MCPH1: variants seen among roughly 807,000 people sequenced by gnomAD.
MCPH1 encodes the protein microcephalin.
Under a neutral mutation model 84.5 loss-of-function variants are expected in MCPH1, and 104 were observed. The ratio of observed to expected loss-of-function variants is 1.23; its 90% CI spans 1.05 to 1.45. MCPH1 has a LOEUF of 1.45. Among genes scored for constraint, MCPH1 ranks in the 40% most tolerant of loss-of-function variants. The pLI, the probability that MCPH1 is intolerant of heterozygous loss-of-function variation, is 0.00. For missense variants in MCPH1, 1,498 were observed against 1,005.7 expected (o/e 1.49, Z -6.62); for synonymous variants, 514 against 366.8 (o/e 1.40, Z -4.58).
At chr8:6,570,800 G>GT (rs1463366406) in intron 12 of MCPH1, among the ~76,000 whole-genome samples, 5 of 96,384 alleles carry the variant, frequency 5.2e-5, no homozygotes, top group Admixed American at 1.3e-4. Flanking sequence ...CAGATGGATT[G>GT]TTGTTTTTTT....
intron 12 of MCPH1, among the ~76,000 whole-genome samples, chr8:6,588,340 AC>A (rs1258280453): frequency 3.5e-5 from 4 of 115,212 alleles, no homozygotes; most frequent in Admixed American, 1.0e-4. Context: ...TTCACTTAAA[AC>A]TTTTTTTTTT....
intron 8 of MCPH1, among the ~76,000 whole-genome samples, chr8:6,447,883 AATTT>A (rs1466009454): frequency 3.9e-5 from 6 of 152,248 alleles, no homozygotes; most frequent in African/African-American, 1.4e-4. Context: ...TAAAATCATT[AATTT>A]TTTTCTTTTT....
In MCPH1 at chr8:6,455,219, T is replaced by A; in HGVS notation, c.1902T>A (p.His634Gln). The A allele has an allele frequency of 5.6e-6, 9 of 1,613,992 alleles. No individual in the cohort carries two copies. The highest frequency in any genetic ancestry group is 7.6e-6 in the Non-Finnish European group (9 of 1,179,914). Residue 634 changes from histidine (H) to glutamine (Q), a missense_variant, in exon 9 of 14, where the codon CAT becomes CAA. Coordinates refer to ENST00000344683, the MANE Select transcript of MCPH1 (RefSeq NM_024596.5). ...GCTTTAAGGACCTCATCAAACCTCATGAGGAATTGAAGAAAAGTGGGAGAG... is the reference window on the plus strand; with the variant it reads ...GCTTTAAGGACCTCATCAAACCTCAAGAGGAATTGAAGAAAAGTGGGAGAG... Reference protein sequence around the residue: ...CDGFKDLIKPHEELKKSGRGK... With the variant: ...CDGFKDLIKPQEELKKSGRGK...
intron 12 of MCPH1, among the ~76,000 whole-genome samples, chr8:6,614,362 C>T (rs943055346): frequency 6.6e-5 from 10 of 152,176 alleles, no homozygotes; most frequent in African/African-American, 1.7e-4. Context: ...TATAGCTTTC[C>T]GCTGCCAGGC....
chr8:6,625,596 T>G (rs1831989028), intron 13 of MCPH1: 1 of 985,222 alleles, frequency 1.0e-6, no homozygotes, highest in Non-Finnish European at 1.2e-6. Context: ...TTATTCAAAC[T>G]GGAATATCAA....
chr8:6,437,731 G>A (rs932773171), intron 5 of MCPH1, among the ~76,000 whole-genome samples: 1 of 152,088 alleles, frequency 6.6e-6, no homozygotes, highest in Non-Finnish European at 1.5e-5. Flanking sequence ...CCAGAAACGT[G>A]CAATCGTCCT....
At chr8:6,457,291 T>A (rs61033996) in intron 9 of MCPH1, among the ~76,000 whole-genome samples, 2,200 of 151,700 alleles carry the variant, frequency 0.015, 64 homozygotes, top group African/African-American at 0.052. Flanking sequence ...TCAAAGCAGG[T>A]TTTAAATGCA....
intron 11 of MCPH1, among the ~76,000 whole-genome samples, chr8:6,481,087 C>T (rs368075027): frequency 8.2e-4 from 125 of 152,152 alleles, no homozygotes; most frequent in Middle Eastern, 3.4e-3. Flanking sequence ...AACAGGAGGA[C>T]GGGGAGGGTA....
At chr8:6,523,377 A>T (rs141512173) in intron 12 of MCPH1, among the ~76,000 whole-genome samples, 1,582 of 152,300 alleles carry the variant, frequency 0.01, 12 homozygotes, top group Non-Finnish European at 0.018. Flanking sequence ...ATGGTTATAT[A>T]GTTTGCCTTC....
chr8:6,466,632 G>C (rs954063640), intron 9 of MCPH1, among the ~76,000 whole-genome samples: 1 of 151,674 alleles, frequency 6.6e-6, no homozygotes, highest in Non-Finnish European at 1.5e-5. Flanking sequence ...AGTAGAGACA[G>C]GGTTTCACCG....
intron 9 of MCPH1, among the ~76,000 whole-genome samples, chr8:6,472,192 C>A (rs929254577): frequency 6.6e-6 from 1 of 152,128 alleles, no homozygotes; most frequent in Non-Finnish European, 1.5e-5. Flanking sequence ...ACATAATATA[C>A]AATGAATATG....
intron 13 of MCPH1, chr8:6,625,284 A>C (rs1831949896): frequency 2.0e-6 from 2 of 985,336 alleles, no homozygotes; most frequent in Non-Finnish European, 2.4e-6. Context: ...CAGAGAGCGC[A>C]AATGCCCTGT....
At chr8:6,527,556 T>G in intron 12 of MCPH1, 2 of 1,613,498 alleles carry the variant, frequency 1.2e-6, no homozygotes, top group Non-Finnish European at 1.7e-6. Flanking sequence ...TGTTATTACC[T>G]GTTCTTATCT....
intron 3 of MCPH1, among the ~76,000 whole-genome samples, chr8:6,415,481 G>A (rs922073454): frequency 6.6e-6 from 1 of 151,924 alleles, no homozygotes; most frequent in South Asian, 2.1e-4. Flanking sequence ...TGCCTCCCGA[G>A]TAGCTGGGAT....
At chr8:6,559,196 T>A (rs1055468300) in intron 12 of MCPH1, among the ~76,000 whole-genome samples, 1 of 151,010 alleles carries the variant, frequency 6.6e-6, no homozygotes, top group Admixed American at 6.6e-5. Flanking sequence ...TGTTTTAATA[T>A]ACAGCTATTG....
At chr8:6,467,586 G>A (rs981374036) in intron 9 of MCPH1, among the ~76,000 whole-genome samples, 1 of 152,058 alleles carries the variant, frequency 6.6e-6, no homozygotes, top group Non-Finnish European at 1.5e-5. Context: ...TGAAGTTGTG[G>A]TATAATTCTT....
rs183241928 is a variant in MCPH1, at chr8:6,559,737, T to G, written c.2214+59808T>G. 1.3e-3 allele frequency among the ~76,000 whole-genome samples: 192 copies of G among 152,272 alleles called. 2 individuals carry two copies. The highest frequency in any genetic ancestry group is 0.012 in the Admixed American group (186 of 15,298). On this transcript the variant is annotated intron_variant, in intron 12 of 13. Transcript: ENST00000344683. ...TCCATTTTGCTAAATTATTTGTGAG[T>G]TTTTATAAAGTGTGTTTAATATCAC...
intron 11 of MCPH1, among the ~76,000 whole-genome samples, chr8:6,499,063 AAATT>A (rs1184970603): frequency 7.0e-5 from 9 of 128,392 alleles, no homozygotes; most frequent in Middle Eastern, 4.0e-3. Flanking sequence ...AAAAATAAAT[AAATT>A]AAATAAATAA....
chr8:6,408,606 T>C (rs924885891), intron 1 of MCPH1, among the ~76,000 whole-genome samples: 1 of 150,306 alleles, frequency 6.7e-6, no homozygotes, highest in African/African-American at 2.5e-5. Flanking sequence ...GGTGCGATCA[T>C]AACTCAGCTT....
Sources: allele counts gnomAD v4.1 joint callset (sites outside exome capture counted in the v4.1 genomes callset), GRCh38; gene constraint gnomAD v4.1.1; transcripts MANE v1.5; gene names NCBI Gene and HGNC (gene_info 2026-07-23, HGNC 2026-07-21).